Variants in ZZEF1 observed in about 807,000 individuals in gnomAD.
ZZEF1 encodes zinc finger ZZ-type and EF-hand domain containing 1.
ZZEF1 carries 157 observed loss-of-function variants against 342.8 expected under a neutral mutation model. The observed-to-expected ratio is 0.46, with a 90% CI of 0.40 to 0.52. ZZEF1 has a LOEUF of 0.52. ZZEF1 is among the 20% of genes least tolerant of loss of function. The pLI is 0.00. For missense variants in ZZEF1, 3,480 were observed against 3,725.6 expected (o/e 0.93, Z 1.72); for synonymous variants, 1,505 against 1,429.1 (o/e 1.05, Z -1.20).
chr17:4,086,890 TTGTTGTTGTTGAGACC>T (rs2057841407), intron 14 of ZZEF1, among the ~76,000 whole-genome samples: 1 of 152,128 alleles, frequency 6.6e-6, no homozygotes, highest in South Asian at 2.1e-4. Context: ...TTTCTTTTTG[TTGTTGTTGTTGAGACC>T]GAGTCTCACT....
At chr17:4,099,934 A>C (rs949502962) in intron 9 of ZZEF1, among the ~76,000 whole-genome samples, 1 of 151,962 alleles carries the variant, frequency 6.6e-6, no homozygotes. Context: ...AAAAAAAAAT[A>C]ACCAATCAGA....
At chr17:4,107,212 G>A (rs1301032443) in intron 6 of ZZEF1, among the ~76,000 whole-genome samples, 6 of 152,164 alleles carry the variant, frequency 3.9e-5, no homozygotes, top group Non-Finnish European at 8.8e-5. Context: ...TAAAAAGGCA[G>A]GAGTGCATGA....
intron 2 of ZZEF1, among the ~76,000 whole-genome samples, chr17:4,122,922 C>CTT (rs71144167): frequency 0.027 from 3,660 of 136,596 alleles, 106 homozygotes; most frequent in African/African-American, 0.062. Context: ...TGACCTCTTC[C>CTT]TTTTTTTTTT....
chr17:4,132,953 G>A (rs181542509), intron 1 of ZZEF1, among the ~76,000 whole-genome samples: 62 of 150,936 alleles, frequency 4.1e-4, no homozygotes, highest in East Asian at 1.4e-3. Flanking sequence ...GCGACAGAGC[G>A]AGACTCCATC....
At chr17:4,136,592 A>G (rs1016737022) in intron 1 of ZZEF1, among the ~76,000 whole-genome samples, 4 of 152,150 alleles carry the variant, frequency 2.6e-5, no homozygotes, top group African/African-American at 9.7e-5. Context: ...CAGTCTGAAG[A>G]ACAGCAGAAT....
intron 9 of ZZEF1, among the ~76,000 whole-genome samples, chr17:4,100,438 A>C (rs1329091528): frequency 6.6e-6 from 1 of 152,210 alleles, no homozygotes; most frequent in Non-Finnish European, 1.5e-5. Context: ...TAGATTTTTA[A>C]AATCCACTCA....
intron 24 of ZZEF1, 94 bp downstream of exon 24, chr17:4,074,056 T>C: frequency 7.3e-7 from 1 of 1,372,284 alleles, no homozygotes; most frequent in Non-Finnish European, 1.0e-6. Context: ...ATTAACCCCC[T>C]GCCATTACGT....
rs1016368866 is a variant in ZZEF1, at chr17:4,086,776, C to T, written c.2343-121G>A. ...TCAGGCTCGATGAAAATAATGCCAA[C>T]TGATGCAAACTGAGAGGAAGAAGGG... On this transcript the variant is annotated intron_variant, in intron 14 of 54. Transcript: ENST00000381638. The T allele has an allele frequency of 1.0e-5, 9 of 859,956 alleles. No homozygotes were observed. The South Asian group carries it at 1.6e-4, about 15-fold the overall frequency. 53.3% of individuals were successfully genotyped at this position (859,956 alleles called of 1,614,324 possible).
intron 17 of ZZEF1, 99 bp from the exon 18 acceptor site, chr17:4,081,589 T>A (rs2057725326): frequency 7.0e-6 from 7 of 1,005,834 alleles, no homozygotes; most frequent in Non-Finnish European, 1.0e-5. Flanking sequence ...GGTTTCAGTG[T>A]CATTTCCATG....
rs747581007 is a variant in ZZEF1, at chr17:4,062,838, C to T, written c.4798G>A (p.Glu1600Lys). The change falls in exon 30 of 55, where the codon GAA becomes AAA. Residue 1600 changes from glutamate to lysine, a missense_variant. Physicochemically the swap from Glu to Lys is moderately conservative, Grantham distance 56. Transcript: ENST00000381638. ...AAGCAGTGGGGCTGCCCAAGGGATT[C>T]TGCACAGTGCTGAGTTATCTTCAGG... is the stretch of plus-strand genomic sequence containing the variant. ...EVLKITQHCA[E>K]SLGQPHCFHP... 2 of 1,613,648 alleles carry T rather than the reference C, an allele frequency of 1.2e-6. No individual in the cohort carries two copies. The highest frequency in any genetic ancestry group is 1.7e-6 in the Non-Finnish European group (2 of 1,179,826).
At chr17:4,097,354 C>T (rs550260731) in intron 9 of ZZEF1, among the ~76,000 whole-genome samples, 3 of 152,038 alleles carry the variant, frequency 2.0e-5, no homozygotes, top group African/African-American at 7.2e-5. Flanking sequence ...TCCTGAGCCA[C>T]ACCTACAACC....
rs1291131091 is a variant in ZZEF1 at position 4,142,997 on chromosome 17, AGAC to A, written c.-105_-103del. ...CAGCTGGCGGGCGGGGACGCGGAGG[AGAC>A]GACGGCGGCCCCTGCGGCTTCCGGC... On this transcript the variant is annotated 5_prime_UTR_variant, in exon 1 of 55. Coordinates refer to ENST00000381638, the MANE Select transcript of ZZEF1 (RefSeq NM_015113.4). 7.9e-7 allele frequency: 1 copy of A among 1,269,336 alleles called. No homozygotes were observed. Among genetic ancestry groups the A allele is most frequent in the Non-Finnish European group, 9.9e-7 (1 of 1,012,272 alleles). 78.6% of individuals were successfully genotyped at this position (1,269,336 alleles called of 1,614,324 possible).
Position 4,086,562 on chromosome 17 carries a change from A to C in ZZEF1, c.2436T>G (p.Ser812=). 1.2e-6 allele frequency: 2 copies of C among 1,614,190 alleles called. No individual in the cohort carries two copies. Among genetic ancestry groups the C allele is most frequent in the Non-Finnish European group, 8.5e-7 (1 of 1,180,032 alleles). Residue 812 remains serine (S), a synonymous_variant, in exon 15 of 55, where the codon TCT becomes TCG. Transcript: ENST00000381638. The stretch of plus-strand genomic sequence containing the variant: ...TTTGGATTGGAGCCTTTTCCTCCTC[A>C]GAAGCAGCCAGTACATCTCCCTGCA... ...SVLQGDVLAA[S]EEEKAPIQSP...
intron 1 of ZZEF1, among the ~76,000 whole-genome samples, chr17:4,133,075 C>T (rs2058695259): frequency 6.6e-6 from 1 of 152,136 alleles, no homozygotes; most frequent in Non-Finnish European, 1.5e-5. Flanking sequence ...ATAGCTACTT[C>T]CCAAATTGTT....
chr17:4,102,133 T>C (rs1264377044), intron 9 of ZZEF1, among the ~76,000 whole-genome samples, 184 bp downstream of exon 9: 1 of 152,246 alleles, frequency 6.6e-6, no homozygotes, highest in Non-Finnish European at 1.5e-5. Context: ...TGAGTTGTTA[T>C]AGTCATTGAC....
chr17:4,072,892 TGTA>T (rs1166734217), intron 24 of ZZEF1, 136 bp from the exon 25 acceptor site: 1 of 865,442 alleles, frequency 1.2e-6, no homozygotes, highest in African/African-American at 1.7e-5. Flanking sequence ...CATACCAGAA[TGTA>T]ATTGTGATAC....
chr17:4,136,073 A>G (rs1597950831), intron 1 of ZZEF1, among the ~76,000 whole-genome samples: 1 of 145,188 alleles, frequency 6.9e-6, no homozygotes, highest in Non-Finnish European at 1.5e-5. Flanking sequence ...GCTCACTGCA[A>G]CCTGTCGCCC....
intron 52 of ZZEF1, among the ~76,000 whole-genome samples, chr17:4,010,730 A>AAAAAAAG (rs941156211): frequency 1.3e-4 from 19 of 150,896 alleles, no homozygotes; most frequent in Admixed American, 9.9e-4. Flanking sequence ...GTCTCAAAAA[A>AAAAAAAG]AAAAAGAAAA....
intron 9 of ZZEF1, among the ~76,000 whole-genome samples, chr17:4,100,448 A>T (rs1246345097): frequency 6.6e-6 from 1 of 152,154 alleles, no homozygotes; most frequent in Non-Finnish European, 1.5e-5. Context: ...AAATCCACTC[A>T]ATCTAAGGAG....
Sources: allele counts gnomAD v4.1 joint callset (sites outside exome capture counted in the v4.1 genomes callset), GRCh38; gene constraint gnomAD v4.1.1; transcripts MANE v1.5; gene names NCBI Gene and HGNC (gene_info 2026-07-23, HGNC 2026-07-21).